Variants in ST6GALNAC1 observed in about 807,000 individuals in gnomAD.
ST6GALNAC1 encodes alpha-N-acetylgalactosaminide alpha-2,6-sialyltransferase 1.
In ST6GALNAC1, 45 loss-of-function variants were observed where a neutral mutation model predicts 56.8. The observed-to-expected ratio is 0.79, with a 90% CI of 0.62 to 1.02. ST6GALNAC1 has a LOEUF of 1.02. Ranked by LOEUF, ST6GALNAC1 falls within the 50% of genes least tolerant of loss-of-function variation. ST6GALNAC1 has a pLI of 0.00. For synonymous variants in ST6GALNAC1, 295 were observed against 297.8 expected (o/e 0.99, Z 0.10); for missense variants, 743 against 754.8 (o/e 0.98, Z 0.18).
At chr17:76,621,375 G>A (rs1028081870), downstream of ST6GALNAC1, among the ~76,000 whole-genome samples, 1 of 151,544 alleles carries the variant, frequency 6.6e-6, no homozygotes, top group Non-Finnish European at 1.5e-5. Context: ...TAGGGATGGG[G>A]TTTCACCATG....
chr17:76,628,191 G>T (rs1374483774), intron 2 of ST6GALNAC1, among the ~76,000 whole-genome samples: 1 of 151,164 alleles, frequency 6.6e-6, no homozygotes, highest in Non-Finnish European at 1.5e-5. Context: ...TGCTGTCAGG[G>T]CCATGCTTCC....
downstream of ST6GALNAC1, among the ~76,000 whole-genome samples, chr17:76,622,856 C>T (rs144627840): frequency 2.9e-3 from 442 of 150,310 alleles, 1 homozygote; most frequent in African/African-American, 9.2e-3. Context: ...TGCAATGTCG[C>T]GATCTCTGCT....
At chr17:76,643,452 T>C in intron 1 of ST6GALNAC1, 56 bp downstream of exon 1, 1 of 1,599,028 alleles carries the variant, frequency 6.3e-7, no homozygotes. Flanking sequence ...GGGCTATCAT[T>C]TTTCTGTTTC....
chr17:76,627,127 C>A lies in ST6GALNAC1; in HGVS notation c.1112G>T (p.Gly371Val). ...CATGTGGGAGTTGTTCAGGATGCCC[C>A]CGTTGCCCACCACGGCACAGGTGAT... Reference protein sequence around the residue: ...RCITCAVVGNGGILNNSHMGQ... With the variant: ...RCITCAVVGNVGILNNSHMGQ... Residue 371 changes from glycine (G) to valine (V), a missense_variant, in exon 4 of 9, where the codon GGG becomes GTG. Physicochemically the swap from Gly to Val is moderately radical, Grantham distance 109 (BLOSUM62 -3). Coordinates refer to ENST00000156626, the MANE Select transcript of ST6GALNAC1 (RefSeq NM_018414.5). This position sits in a 1 kb window ranked among gnomAD's most constrained non-coding sequence, Gnocchi z 4.4. The A allele has an allele frequency of 6.3e-7, 1 of 1,597,310 alleles. No homozygotes were observed. Among genetic ancestry groups the A allele is most frequent in the Non-Finnish European group, 8.5e-7 (1 of 1,171,506 alleles).
intron 1 of ST6GALNAC1, chr17:76,637,680 C>T (rs945681093): frequency 1.3e-5 from 5 of 398,864 alleles, no homozygotes; most frequent in East Asian, 3.6e-5. Flanking sequence ...GAAGGGTCAG[C>T]GTCCCACTCC....
intron 1 of ST6GALNAC1, among the ~76,000 whole-genome samples, chr17:76,634,893 A>C (rs370205186): frequency 2.0e-4 from 30 of 152,160 alleles, no homozygotes; most frequent in African/African-American, 7.0e-4. Flanking sequence ...CAAAAAAAAC[A>C]AAAACAAAAA....
At chr17:76,634,954 G>C (rs1385129969) in intron 1 of ST6GALNAC1, among the ~76,000 whole-genome samples, 2 of 152,198 alleles carry the variant, frequency 1.3e-5, no homozygotes, top group East Asian at 3.8e-4. Context: ...TTTTCTAAAA[G>C]TGAATGAATG....
chr17:76,629,934 C>A (rs2143441745), intron 1 of ST6GALNAC1, among the ~76,000 whole-genome samples: 1 of 152,022 alleles, frequency 6.6e-6, no homozygotes, highest in African/African-American at 2.4e-5. Context: ...AGGCACCCGC[C>A]ACCATGCCTG....
chr17:76,619,342 A>C, the ST6GALNAC1 span, among the ~76,000 whole-genome samples: 1 of 152,204 alleles, frequency 6.6e-6, no homozygotes, highest in Non-Finnish European at 1.5e-5. Flanking sequence ...TGACGGATCT[A>C]GGGAATGTAT....
Position 76,629,548 on chromosome 17 carries a change from C to T in ST6GALNAC1, c.295G>A (p.Asp99Asn). ...GCCTGGTTGGCCTCCTTTCCTCTGT[C>T]TCCGGTGGTGTGGGCCTTGGGCTGG... ...QTQPKAHTTGDRGKEANQAPP... is the reference protein window; with the variant it reads ...QTQPKAHTTGNRGKEANQAPP... The change falls in exon 2 of 9, where the codon GAC (aspartate) becomes AAC (asparagine). Residue 99 changes from aspartate to asparagine, a missense_variant. Transcript: ENST00000156626. 2.5e-6 allele frequency: 4 copies of T among 1,614,086 alleles called. No individual in the cohort carries two copies. The South Asian group carries it at 3.3e-5, about 13-fold the overall frequency.
chr17:76,636,803 A>G (rs3859184), intron 1 of ST6GALNAC1, among the ~76,000 whole-genome samples: 63,803 of 151,022 alleles, frequency 0.42, 14,106 homozygotes, highest in Non-Finnish European at 0.52. Context: ...GGCCATGATG[A>G]CGATGGCGGT....
chr17:76,637,258 T>A (rs2075988306), intron 1 of ST6GALNAC1, among the ~76,000 whole-genome samples: 3 of 49,942 alleles, frequency 6.0e-5, no homozygotes, highest in Non-Finnish European at 1.2e-4. Context: ...CACCCAAGAA[T>A]GATCAATAAA....
In ST6GALNAC1 at chr17:76,627,568, CAG is replaced by C. The variant is rs774384212; in HGVS notation, c.845_846del (p.Ser282CysfsTer32). 1 of 1,614,082 alleles carries C rather than the reference CAG, an allele frequency of 6.2e-7. No homozygotes were observed. Among genetic ancestry groups the C allele is most frequent in the Non-Finnish European group, 8.5e-7 (1 of 1,179,990 alleles). ...IGGLQTTCPDSVKIKASKSLW... is the reference protein window; with the variant it reads ...IGGLQTTCPDXVKIKASKSLW... Reference sequence around the variant, plus strand: ...AGCGACTTGGAGGCTTTGATCTTCACAGAGTCAGGGCAAGTCTATATACAGGA... The same window carrying C: ...AGCGACTTGGAGGCTTTGATCTTCACAGTCAGGGCAAGTCTATATACAGGA... On this transcript the variant is annotated frameshift_variant, in exon 3 of 9. Coordinates refer to ENST00000156626, the MANE Select transcript of ST6GALNAC1 (RefSeq NM_018414.5). LOFTEE classifies it high-confidence loss of function. The surrounding 1 kb of genome is among the most constrained non-coding windows in gnomAD (Gnocchi z 4.4).
chr17:76,636,494 G>C (rs1251182668), intron 1 of ST6GALNAC1, among the ~76,000 whole-genome samples: 1 of 152,132 alleles, frequency 6.6e-6, no homozygotes, highest in Admixed American at 6.6e-5. Context: ...GAAAAAAAAA[G>C]AATCCTGAGC....
chr17:76,618,511 C>T, the ST6GALNAC1 span, among the ~76,000 whole-genome samples: 1 of 152,102 alleles, frequency 6.6e-6, no homozygotes, highest in Admixed American at 6.6e-5. Context: ...GGCACAATGG[C>T]TCATGTTTGT....
chr17:76,625,091 CCATT>C lies in ST6GALNAC1; in HGVS notation c.*235_*238del, dbSNP rs1307524100. On this transcript the variant is annotated 3_prime_UTR_variant, in exon 9 of 9. Coordinates refer to ENST00000156626, the MANE Select transcript of ST6GALNAC1 (RefSeq NM_018414.5). ...ATTGTGGTATTGGCCACCCATCACC[CCATT>C]TAATTAAAAATCCCTGGCCTCAGGA... 1 of 544,012 alleles carries C rather than the reference CCATT, an allele frequency of 1.8e-6. No homozygotes were observed. The highest frequency in any genetic ancestry group is 1.9e-5 in the African/African-American group (1 of 52,956). 33.7% of individuals were successfully genotyped at this position (544,012 alleles called of 1,614,324 possible).
At chr17:76,632,897 T>C (rs2075924280) in intron 1 of ST6GALNAC1, among the ~76,000 whole-genome samples, 1 of 152,176 alleles carries the variant, frequency 6.6e-6, no homozygotes, top group Non-Finnish European at 1.5e-5. Context: ...AAATATAAAA[T>C]GTTGCACTTT....
the ST6GALNAC1 span, among the ~76,000 whole-genome samples, chr17:76,618,503 C>T: frequency 5.3e-5 from 8 of 152,172 alleles, no homozygotes; most frequent in Middle Eastern, 3.4e-3. Flanking sequence ...TTTGGCTGGG[C>T]ACAATGGCTC....
chr17:76,636,075 A>C (rs2075969949), intron 1 of ST6GALNAC1, among the ~76,000 whole-genome samples: 1 of 152,206 alleles, frequency 6.6e-6, no homozygotes. Context: ...AAAAAGCAGA[A>C]ACTGCCTTAA....
Sources: gnomAD v4.1 joint callset for allele counts (sites outside exome capture counted in the v4.1 genomes callset) on GRCh38, gnomAD v4.1.1 for gene constraint, Gnocchi (gnomAD v3.1) non-coding constraint, MANE v1.5 for transcripts, NCBI Gene and HGNC (gene_info 2026-07-23, HGNC 2026-07-21) for gene names.